The following ACACA variants were observed in gnomAD, a reference collection of about 807,000 sequenced individuals.
ACACA encodes acetyl-CoA carboxylase 1.
In ACACA, 103 loss-of-function variants were observed where a neutral mutation model predicts 296.1. That is an observed-to-expected ratio of 0.35 (90% CI 0.30 to 0.41). ACACA has a LOEUF of 0.41. ACACA is among the 10% of genes least tolerant of loss of function. ACACA has a pLI of 1.00. For synonymous variants in ACACA, 953 were observed against 1,038.6 expected, an observed-to-expected ratio of 0.92 and a Z score of 1.58; for missense variants, 1,554 against 2,989.7, an observed-to-expected ratio of 0.52 and a Z score of 11.20.
rs1362168147 is a variant in ACACA at position 37,376,287 on chromosome 17, CT to C, written c.38+29974del. 4.4e-6 allele frequency: 3 copies of C among 684,068 alleles called. No individual in the cohort carries two copies. The African/African-American group carries it at 5.3e-5, about 12-fold the overall frequency. The allele number at this position is 684,068 out of a possible 1,614,324, so 42.4% of individuals were successfully genotyped here. On this transcript the variant is annotated intron_variant, in intron 1 of 55. Coordinates refer to ENST00000616317, the MANE Select transcript of ACACA (RefSeq NM_198834.3). ...TTCCAGAGTTAATCCCATGTATCCA[CT>C]CGCCTCTAAGAAGGACTGCAACTTA... is the stretch of plus-strand genomic sequence containing the variant.
chr17:37,246,964 T>A lies in ACACA; in HGVS notation c.2322A>T (p.Thr774=). ...MKEEVDRYRI[T]IGNKTCVFEK... The stretch of plus-strand genomic sequence containing the variant: ...CAAACACACAGGTTTTATTGCCAAT[T>A]GTGATGCGATATCTAGGAGACAAGT... The change falls in exon 19 of 56, where the codon ACA becomes ACT. Residue 774 remains threonine (T), a synonymous_variant. Coordinates refer to ENST00000616317, the MANE Select transcript of ACACA (RefSeq NM_198834.3). 1 of 1,614,122 alleles carries A rather than the reference T, an allele frequency of 6.2e-7. No individual in the cohort carries two copies. Among genetic ancestry groups the A allele is most frequent in the Non-Finnish European group, 8.5e-7 (1 of 1,180,018 alleles).
rs1435154885 is a variant in ACACA, at chr17:37,149,964, C to T, written c.5579G>A (p.Arg1860Gln). 6.2e-7 allele frequency: 1 copy of T among 1,614,088 alleles called. No homozygotes were observed. The highest frequency in any genetic ancestry group is 8.5e-7 in the Non-Finnish European group (1 of 1,179,958). ...AAGGTAAGCCCCAATCCCAATGGCCCGGCACGTCACCTTAGAAAAGAATAA... is the reference window on the plus strand; with the variant it reads ...AAGGTAAGCCCCAATCCCAATGGCCTGGCACGTCACCTTAGAAAAGAATAA... ...EIITISLVTCRAIGIGAYLVR... is the reference protein window; with the variant it reads ...EIITISLVTCQAIGIGAYLVR... Residue 1860 changes from arginine to glutamine, a missense_variant, in exon 45 of 56, where the codon CGG becomes CAG. Around this residue, in one of 16 missense-constraint regions of ACACA, gnomAD observed 553 missense variants for 1,043.6 expected, o/e 0.53. Transcript: ENST00000616317.
chr17:37,301,339 CCT>C, intron 3 of ACACA: 1 of 981,532 alleles, frequency 1.0e-6, no homozygotes, highest in Non-Finnish European at 1.2e-6. Flanking sequence ...AAAGCATCCC[CCT>C]TTTAATCTAC....
At chr17:37,162,196 T>G in intron 41 of ACACA, 146 bp from the exon 42 acceptor site, 2 of 828,848 alleles carry the variant, frequency 2.4e-6, no homozygotes, top group Non-Finnish European at 3.9e-6. Context: ...TGTGGGAAAC[T>G]ACAAAAGACA....
At chr17:37,187,699 C>A (rs1475875799) in intron 39 of ACACA, among the ~76,000 whole-genome samples, 1 of 152,096 alleles carries the variant, frequency 6.6e-6, no homozygotes, top group East Asian at 1.9e-4. Context: ...ATATATGACA[C>A]CCTGAAATCT....
At chr17:37,335,888 A>T (rs1474502694) in intron 2 of ACACA, among the ~76,000 whole-genome samples, 1 of 152,182 alleles carries the variant, frequency 6.6e-6, no homozygotes, top group Non-Finnish European at 1.5e-5. Context: ...TGCTGTTGTT[A>T]TGTTAATCAA....
intron 3 of ACACA, among the ~76,000 whole-genome samples, chr17:37,315,355 TACA>T (rs1419551438): frequency 1.3e-5 from 2 of 152,360 alleles, no homozygotes; most frequent in East Asian, 3.9e-4. Context: ...TGTATTTACT[TACA>T]ACACTTTGAC....
chr17:37,179,146 A>G, intron 41 of ACACA, 114 bp downstream of exon 41: 1 of 1,323,072 alleles, frequency 7.6e-7, no homozygotes, highest in Non-Finnish European at 1.1e-6. Flanking sequence ...CTCTCTCTAA[A>G]GAACTCTCCC....
In ACACA at chr17:37,087,281, C is replaced by T. The variant is rs1438877673; in HGVS notation, c.*35G>A. On this transcript the variant is annotated 3_prime_UTR_variant, in exon 56 of 56. Coordinates refer to ENST00000616317, the MANE Select transcript of ACACA (RefSeq NM_198834.3). Reference sequence around the variant, plus strand: ...TAAAAGGCAGCTCTAGCCCTTTTCTCCAGAGACAGGGCAGGGACAGGCAGG... The same window carrying T: ...TAAAAGGCAGCTCTAGCCCTTTTCTTCAGAGACAGGGCAGGGACAGGCAGG... The T allele has an allele frequency of 1.2e-6, 2 of 1,613,604 alleles. No homozygotes were observed. Among genetic ancestry groups the T allele is most frequent in the Admixed American group, 3.3e-5 (2 of 59,998 alleles).
At chr17:37,153,278 T>G (rs2076113428) in intron 43 of ACACA, among the ~76,000 whole-genome samples, 4 of 152,152 alleles carry the variant, frequency 2.6e-5, no homozygotes, top group Admixed American at 2.6e-4. Flanking sequence ...GAAATAAGCA[T>G]GAAGAAATTG....
At chr17:37,087,859 G>C (rs2072323940) in intron 55 of ACACA, among the ~76,000 whole-genome samples, 2 of 152,198 alleles carry the variant, frequency 1.3e-5, no homozygotes, top group Admixed American at 1.3e-4. Context: ...GTGTGCTGGA[G>C]TTGGAAAGTT....
intron 3 of ACACA, among the ~76,000 whole-genome samples, chr17:37,294,342 G>A (rs907224756): frequency 2.6e-5 from 4 of 152,118 alleles, no homozygotes; most frequent in African/African-American, 4.8e-5. Flanking sequence ...CTTAAGTCAC[G>A]TGAACTTGAA....
At chr17:37,105,290 A>G (rs2073611944) in intron 52 of ACACA, among the ~76,000 whole-genome samples, 1 of 152,220 alleles carries the variant, frequency 6.6e-6, no homozygotes, top group South Asian at 2.1e-4. Context: ...AAAGAATGTG[A>G]TATTAAAGTG....
At chr17:37,349,903 T>C (rs2048817930) in intron 1 of ACACA, among the ~76,000 whole-genome samples, 2 of 152,078 alleles carry the variant, frequency 1.3e-5, no homozygotes, top group South Asian at 4.2e-4. Flanking sequence ...ATCTTTACAA[T>C]GGAGAAATCT....
intron 3 of ACACA, among the ~76,000 whole-genome samples, chr17:37,308,536 G>A (rs922290841): frequency 6.6e-6 from 1 of 152,068 alleles, no homozygotes; most frequent in Non-Finnish European, 1.5e-5. Flanking sequence ...TGAAATGTTA[G>A]AAAAAAATTG....
chr17:37,124,604 C>A (rs2074687024), intron 48 of ACACA, among the ~76,000 whole-genome samples: 1 of 152,296 alleles, frequency 6.6e-6, no homozygotes, highest in East Asian at 1.9e-4. Context: ...AAGCTCCCCA[C>A]TGGGAATTTT....
chr17:37,374,547 A>T (rs1377396672), intron 1 of ACACA, among the ~76,000 whole-genome samples: 1 of 152,150 alleles, frequency 6.6e-6, no homozygotes, highest in East Asian at 1.9e-4. Flanking sequence ...TCAGCCACCC[A>T]AAGTGCTGGG....
At chr17:37,360,516 C>A (rs2049362845) in intron 1 of ACACA, 1 of 152,060 alleles carries the variant, frequency 6.6e-6, no homozygotes, top group African/African-American at 2.4e-5. Flanking sequence ...TAGGGTCAAG[C>A]ACAGTGGCAC....
At chr17:37,138,397 C>A (rs2075419348) in intron 45 of ACACA, among the ~76,000 whole-genome samples, 1 of 152,204 alleles carries the variant, frequency 6.6e-6, no homozygotes, top group African/African-American at 2.4e-5. Context: ...GACTGGAGTC[C>A]TTGCATTTCT....
Sources: allele counts gnomAD v4.1 joint callset (sites outside exome capture counted in the v4.1 genomes callset), GRCh38; gene constraint gnomAD v4.1.1; regional missense constraint gnomAD v4.1.1; transcripts MANE v1.5; gene names NCBI Gene and HGNC (gene_info 2026-07-23, HGNC 2026-07-21).